Variants in SGIP1 observed in about 807,000 individuals in gnomAD.
SGIP1 encodes the protein SH3-containing GRB2-like protein 3-interacting protein 1.
In SGIP1, 38 loss-of-function variants were observed where a neutral mutation model predicts 107.5. The observed-to-expected ratio is 0.35, with a 90% CI of 0.27 to 0.46. The LOEUF (loss-of-function observed/expected upper bound fraction) is 0.46. Among genes scored for constraint, SGIP1 ranks in the 20% least tolerant of loss-of-function variants. SGIP1 has a pLI of 1.00. For missense variants in SGIP1, 929 were observed against 1,019.5 expected (o/e 0.91, Z 1.21); for synonymous variants, 365 against 366.1 (o/e 1.00, Z 0.03).
intron 2 of SGIP1, among the ~76,000 whole-genome samples, chr1:66,629,879 CTG>C (rs2073869076): frequency 6.6e-6 from 1 of 152,184 alleles, no homozygotes. Flanking sequence ...GTTCTAGAGA[CTG>C]TCTCAGGTTC....
chr1:66,540,980 G>A (rs1354667090), intron 1 of SGIP1, among the ~76,000 whole-genome samples: 1 of 152,154 alleles, frequency 6.6e-6, no homozygotes, highest in Non-Finnish European at 1.5e-5. Context: ...TCTAATGACT[G>A]ACTCCTTTTC....
chr1:66,742,610 C>T (rs890034172), intron 24 of SGIP1, among the ~76,000 whole-genome samples: 1 of 149,996 alleles, frequency 6.7e-6, no homozygotes, highest in Non-Finnish European at 1.5e-5. Flanking sequence ...GCTGGGACTA[C>T]AGGCGCCCAC....
intron 15 of SGIP1, among the ~76,000 whole-genome samples, chr1:66,684,948 G>GA (rs1296917484): frequency 1.3e-5 from 2 of 152,162 alleles, no homozygotes; most frequent in Non-Finnish European, 2.9e-5. Flanking sequence ...TTTCTACGTA[G>GA]AAAATTGAAC....
Position 66,748,299 on chromosome 1 carries a change from C to T in SGIP1, c.*5204C>T, listed in dbSNP as rs919067085. On this transcript the variant is annotated 3_prime_UTR_variant, in exon 25 of 25. Coordinates refer to ENST00000371037, the MANE Select transcript of SGIP1 (RefSeq NM_032291.4). ...CTAAATATTAAAAACAACAACAAAA[C>T]ACTTGCCTTTCTCTTGTGTCATTGC... is the stretch of plus-strand genomic sequence containing the variant. 2.6e-5 allele frequency: 4 copies of T among 151,922 alleles called. No homozygotes were observed. In the South Asian group the frequency reaches 8.3e-4, roughly 31 times the overall value. The allele number at this position is 151,922 out of a possible 1,614,324, so 9.4% of individuals were successfully genotyped here. A position where few individuals can be genotyped will look rare whatever the true frequency, so the allele number is the denominator to read the frequency against.
chr1:66,553,786 T>C (rs903837507), intron 1 of SGIP1, among the ~76,000 whole-genome samples: 3 of 152,142 alleles, frequency 2.0e-5, no homozygotes, highest in African/African-American at 7.2e-5. Flanking sequence ...TTCACTTTGC[T>C]ATGCATCCTT....
chr1:66,668,672 G>A (rs1314184049), intron 9 of SGIP1, among the ~76,000 whole-genome samples: 1 of 152,182 alleles, frequency 6.6e-6, no homozygotes, highest in East Asian at 1.9e-4. Context: ...CCTGCCCCAG[G>A]TGACCAGTTG....
intron 20 of SGIP1, among the ~76,000 whole-genome samples, chr1:66,731,139 T>C (rs2093990344): frequency 6.6e-6 from 1 of 152,172 alleles, no homozygotes; most frequent in Non-Finnish European, 1.5e-5. Context: ...TAATGACATA[T>C]CTATTTGTGT....
chr1:66,591,841 T>G (rs1558000216), intron 1 of SGIP1, among the ~76,000 whole-genome samples: 1 of 152,306 alleles, frequency 6.6e-6, no homozygotes, highest in South Asian at 2.1e-4. Context: ...AGCAAAGATC[T>G]CTGTGTCATA....
intron 11 of SGIP1, among the ~76,000 whole-genome samples, chr1:66,672,259 A>G (rs1209383364): frequency 3.9e-5 from 6 of 152,194 alleles, no homozygotes; most frequent in Admixed American, 3.3e-4. Context: ...TGGGACAGCT[A>G]AAGTTTCTCT....
chr1:66,542,207 C>T (rs891009721), intron 1 of SGIP1, among the ~76,000 whole-genome samples: 6 of 151,798 alleles, frequency 4.0e-5, no homozygotes, highest in African/African-American at 1.5e-4. Flanking sequence ...GATCATTTTA[C>T]CTTTATCACA....
intron 1 of SGIP1, among the ~76,000 whole-genome samples, chr1:66,570,892 C>A (rs2060290168): frequency 6.6e-6 from 1 of 151,906 alleles, no homozygotes; most frequent in Non-Finnish European, 1.5e-5. Context: ...CTTCATCTCC[C>A]CTATAAGACT....
chr1:66,681,176 T>C (rs1399622907), intron 14 of SGIP1, among the ~76,000 whole-genome samples: 2 of 152,206 alleles, frequency 1.3e-5, no homozygotes, highest in Non-Finnish European at 2.9e-5. Flanking sequence ...AAGTAGCAAA[T>C]GCCTCCTCAA....
chr1:66,726,759 T>C (rs1244532080), intron 19 of SGIP1, among the ~76,000 whole-genome samples: 1 of 152,024 alleles, frequency 6.6e-6, no homozygotes, highest in Non-Finnish European at 1.5e-5. Context: ...TAGGTGAAAA[T>C]GGGTAATGAA....
At chr1:66,695,652 T>A (rs1487064820) in intron 18 of SGIP1, among the ~76,000 whole-genome samples, 159 bp downstream of exon 18, 1 of 152,178 alleles carries the variant, frequency 6.6e-6, no homozygotes, top group African/African-American at 2.4e-5. Flanking sequence ...CTAAAGGAAA[T>A]ATTACATGAA....
intron 7 of SGIP1, among the ~76,000 whole-genome samples, chr1:66,651,184 A>G (rs895911709): frequency 4.6e-5 from 7 of 152,226 alleles, no homozygotes; most frequent in Non-Finnish European, 8.8e-5. Context: ...GTCATCCTTT[A>G]AGCTCATTGA....
chr1:66,614,068 A>C (rs933916305), intron 1 of SGIP1, among the ~76,000 whole-genome samples: 2 of 152,238 alleles, frequency 1.3e-5, no homozygotes, highest in Non-Finnish European at 2.9e-5. Flanking sequence ...GAGAAAAATT[A>C]TCATTCTAAT....
intron 2 of SGIP1, among the ~76,000 whole-genome samples, chr1:66,631,707 CTCTCTCTCTCTCTCTCTCTCTT>C: frequency 8.5e-6 from 1 of 117,336 alleles, no homozygotes; most frequent in East Asian, 2.6e-4. Flanking sequence ...CTCTCTCTCT[CTCTCTCTCTCTCTCTCTCTCTT>C]CTCACGGGCT....
In SGIP1 at chr1:66,643,581, G is replaced by A. The variant is rs143123684; in HGVS notation, c.321G>A (p.Ser107=). Residue 107 remains serine, a synonymous_variant, in exon 7 of 25, where the codon TCG becomes TCA. Coordinates refer to ENST00000371037, the MANE Select transcript of SGIP1 (RefSeq NM_032291.4). ...AGCACTTTTATTCTTCAAGTGAATC[G>A]GAAGAAGAAGAAGAATCACATAAGA... The part of the protein sequence containing the change: ...KGKHFYSSSE[S]EEEEESHKKF... 4.4e-5 allele frequency: 71 copies of A among 1,607,994 alleles called. No individual in the cohort carries two copies. Among genetic ancestry groups the A allele is most frequent in the Non-Finnish European group, 5.4e-5 (64 of 1,177,270 alleles).
In SGIP1 at chr1:66,739,523, C is replaced by T. The variant is rs1339905813; in HGVS notation, c.2220C>T (p.Leu740=). 4 of 1,613,874 alleles carry T rather than the reference C, an allele frequency of 2.5e-6. No individual in the cohort carries two copies. Among genetic ancestry groups the T allele is most frequent in the Non-Finnish European group, 3.4e-6 (4 of 1,180,020 alleles). ...DGGVTKLQAV[L]PPAVWNAEQQ... ...GAGTCACCAAGCTCCAGGCAGTGCT[C>T]CCACCAGCAGTCTGGTATGAAGCCT... is the stretch of plus-strand genomic sequence containing the variant. The change falls in exon 22 of 25, where the codon CTC becomes CTT. Residue 740 remains leucine (L), a synonymous_variant. Transcript: ENST00000371037.
Sources: gnomAD v4.1 joint callset for allele counts (sites outside exome capture counted in the v4.1 genomes callset) on GRCh38, gnomAD v4.1.1 for gene constraint, MANE v1.5 for transcripts, NCBI Gene and HGNC (gene_info 2026-07-23, HGNC 2026-07-21) for gene names.